OVGP1: variants seen among roughly 807,000 people sequenced by gnomAD.
The protein encoded by OVGP1 is oviduct-specific glycoprotein.
In OVGP1, 26 loss-of-function variants were observed where a neutral mutation model predicts 48.2. The ratio of observed to expected loss-of-function variants is 0.54; its 90% confidence interval spans 0.40 to 0.75. OVGP1 has a LOEUF of 0.75. Among genes scored for constraint, OVGP1 ranks in the 30% least tolerant of loss-of-function variants. OVGP1 has a pLI of 0.00. For missense variants in OVGP1, 791 were observed against 820.6 expected (o/e 0.96, Z 0.44); for synonymous variants, 294 against 305.7 (o/e 0.96, Z 0.40).
chr1:111,414,343 T>C lies in OVGP1; in HGVS notation c.*121A>G. The C allele has an allele frequency of 1.3e-6, 1 of 797,666 alleles. No individual in the cohort carries two copies. The highest frequency in any genetic ancestry group is 2.0e-6 in the Non-Finnish European group (1 of 502,184). 49.4% of individuals were successfully genotyped at this position (797,666 alleles called of 1,614,324 possible). On this transcript the variant is annotated 3_prime_UTR_variant, in exon 11 of 11. Coordinates refer to ENST00000369732, the MANE Select transcript of OVGP1 (RefSeq NM_002557.4). The stretch of plus-strand genomic sequence containing the variant: ...GTTCTTGTGTTTACAGTTTATTTAA[T>C]GGAAAAGAGATTGGCCTATTCTGGT...
intron 6 of OVGP1, 96 bp downstream of exon 6, chr1:111,422,831 G>A (rs1273749978): frequency 1.7e-5 from 24 of 1,449,562 alleles, no homozygotes; most frequent in Non-Finnish European, 2.1e-5. Context: ...GGCACACGGT[G>A]AGCTCAAAAA....
At chr1:111,426,157 C>A (rs1001941493) in intron 3 of OVGP1, among the ~76,000 whole-genome samples, 6 of 152,174 alleles carry the variant, frequency 3.9e-5, no homozygotes, top group African/African-American at 1.4e-4. Context: ...AAAATCCTCA[C>A]AACTAGGTTC....
chr1:111,426,762 T>C (rs1447450523), intron 2 of OVGP1, 121 bp from the exon 3 acceptor site: 2 of 1,549,444 alleles, frequency 1.3e-6, no homozygotes, highest in African/African-American at 2.7e-5. Flanking sequence ...CCTCTCTCCC[T>C]GGCCCTGAAG....
rs1226255465 is a variant in OVGP1, at chr1:111,419,738, A to T, written c.904-12T>A. 6.5e-7 allele frequency: 1 copy of T among 1,537,076 alleles called. No homozygotes were observed. The highest frequency in any genetic ancestry group is 1.7e-5 in the Admixed American group (1 of 59,932). On this transcript the variant is annotated splice_polypyrimidine_tract_variant and intron_variant, in intron 8 of 10. Coordinates refer to ENST00000369732, the MANE Select transcript of OVGP1 (RefSeq NM_002557.4). ...ACAAAGGAACAAATCTGCCAAGAGG[A>T]CCACCAGGTTAGTTCTGGGAAGTGC...
At position 111,414,809 on chromosome 1, in the gene OVGP1, A is replaced by T. The variant is rs1652081300; in HGVS notation, c.1692T>A (p.Pro564=). The T allele has an allele frequency of 6.3e-7, 1 of 1,597,782 alleles. No individual in the cohort carries two copies. The highest frequency in any genetic ancestry group is 8.6e-7 in the Non-Finnish European group (1 of 1,169,274). The change falls in exon 11 of 11, where the codon CCT becomes CCA. Residue 564 remains proline (P), a synonymous_variant. Coordinates refer to ENST00000369732, the MANE Select transcript of OVGP1 (RefSeq NM_002557.4). ...TETLRQNTVA[P]RRKAVAREKV... is the part of the protein sequence containing the mutation. ...TTTCACGGGCCACAGCCTTCCTTCT[A>T]GGGGCCACTGTATTCTGTCTAAGGG...
In OVGP1 at chr1:111,424,064, C is replaced by T. The variant is rs116189342; in HGVS notation, c.318-356G>A. Among the ~76,000 whole-genome samples the T allele has an allele frequency of 8.4e-3, 1,279 of 152,300 alleles. 5 individuals are homozygous for T. Among genetic ancestry groups the T allele is most frequent in the Middle Eastern group, 0.014 (4 of 294 alleles). On this transcript the variant is annotated intron_variant, in intron 4 of 10. Transcript: ENST00000369732. Reference sequence around the variant, plus strand: ...GGTATGCCCACTGGCAAGGCACTGCCCCTCTCTGTGCTGTCTCCTCATAGG... The same window carrying T: ...GGTATGCCCACTGGCAAGGCACTGCTCCTCTCTGTGCTGTCTCCTCATAGG...
At chr1:111,417,273 C>T (rs1171015246) in intron 9 of OVGP1, among the ~76,000 whole-genome samples, 10 of 152,206 alleles carry the variant, frequency 6.6e-5, no homozygotes, top group Admixed American at 6.5e-4. Flanking sequence ...CTATAAAATA[C>T]AGTAGAGCAC....
rs557729430 is a variant in OVGP1 at position 111,414,648 on chromosome 1, T to C, written c.1853A>G (p.Asn618Ser). The C allele has an allele frequency of 1.2e-6, 2 of 1,614,172 alleles. No homozygotes were observed. Among genetic ancestry groups the C allele is most frequent in the South Asian group, 1.1e-5 (1 of 91,082 alleles). Reference sequence around the variant, plus strand: ...GGGGCTGGAGGACAGCATCATCCTGTTTTCAGCTTCCATCTGAAGACCCAA... The same window carrying C: ...GGGGCTGGAGGACAGCATCATCCTGCTTTCAGCTTCCATCTGAAGACCCAA... ...GNLGLQMEAE[N>S]RMMLSSSPVI... The change falls in exon 11 of 11, where the codon AAC becomes AGC. Residue 618 changes from asparagine to serine, a missense_variant. Transcript: ENST00000369732.
At position 111,426,384 on chromosome 1, in the gene OVGP1, T is replaced by C. The variant is rs1652397223; in HGVS notation, c.260+53A>G. 15 of 1,612,026 alleles carry C rather than the reference T, an allele frequency of 9.3e-6. No homozygotes were observed. In the East Asian group the frequency reaches 1.8e-4, roughly 19 times the overall value. ...GAGTAACAGGAGAAATAGACTGTTA[T>C]CTTATACCTGTGAAATCTGAAAATA... On this transcript the variant is annotated intron_variant, in intron 3 of 10. Coordinates refer to ENST00000369732, the MANE Select transcript of OVGP1 (RefSeq NM_002557.4).
At chr1:111,416,694 G>A (rs1480863007) in intron 9 of OVGP1, 2 of 394,298 alleles carry the variant, frequency 5.1e-6, no homozygotes, top group Non-Finnish European at 9.0e-6. Flanking sequence ...ATAATAACAT[G>A]TCCAACATGT....
chr1:111,423,888 T>A (rs1274567305), intron 4 of OVGP1, among the ~76,000 whole-genome samples, 180 bp from the exon 5 acceptor site: 2 of 152,168 alleles, frequency 1.3e-5, no homozygotes, highest in Non-Finnish European at 2.9e-5. Flanking sequence ...AGGAGCTCAA[T>A]ACCCAGGAGT....
chr1:111,421,606 T>C lies in OVGP1; in HGVS notation c.676A>G (p.Asn226Asp), dbSNP rs372162894. The change falls in exon 7 of 11, where the codon AAT (asparagine) becomes GAT (aspartate). Residue 226 changes from asparagine (N) to aspartate (D), a missense_variant. Coordinates refer to ENST00000369732, the MANE Select transcript of OVGP1 (RefSeq NM_002557.4). ...HGSWERFTGHNSPLFSLPEDP... is the reference protein window; with the variant it reads ...HGSWERFTGHDSPLFSLPEDP... Reference sequence around the variant, plus strand: ...TCAGGCAGAGAGAAGAGGGGGCTATTATGTCCTGTGAACCTTTCCCAACTT... The same window carrying C: ...TCAGGCAGAGAGAAGAGGGGGCTATCATGTCCTGTGAACCTTTCCCAACTT... The C allele has an allele frequency of 6.2e-7, 1 of 1,613,396 alleles. No individual in the cohort carries two copies. Among genetic ancestry groups the C allele is most frequent in the Non-Finnish European group, 8.5e-7 (1 of 1,179,410 alleles).
intron 4 of OVGP1, among the ~76,000 whole-genome samples, chr1:111,424,652 A>C (rs950039963): frequency 4.6e-5 from 7 of 152,218 alleles, no homozygotes; most frequent in Admixed American, 6.5e-5. Context: ...AGAGATGGGA[A>C]GAGGTGAATC....
intron 3 of OVGP1, 108 bp from the exon 4 acceptor site, chr1:111,425,547 A>G: frequency 6.4e-7 from 1 of 1,555,398 alleles, no homozygotes; most frequent in Non-Finnish European, 8.7e-7. Context: ...AACAGGAGAG[A>G]TGGGAGGTAA....
At chr1:111,419,583 T>C (rs1193247758) in intron 9 of OVGP1, 27 bp downstream of exon 9, 2 of 1,315,356 alleles carry the variant, frequency 1.5e-6, no homozygotes, top group Non-Finnish European at 2.2e-6. Context: ...AACCATGTGC[T>C]GGAGCATGAA....
chr1:111,426,626 A>G lies in OVGP1; in HGVS notation c.71T>C (p.Leu24Pro), dbSNP rs1201610658. Residue 24 changes from leucine to proline, a missense_variant, in exon 3 of 11, where the codon CTC becomes CCC. Transcript: ENST00000369732. ...LKHHDGAAHKLVCYFTNWAHS... is the reference protein window; with the variant it reads ...LKHHDGAAHKPVCYFTNWAHS... ...TGCCCAGTTGGTGAAATAACACACG[A>G]GTTTATGGGCAGCACCTGGTAAGGG... is the stretch of plus-strand genomic sequence containing the variant. 1.2e-6 allele frequency: 2 copies of G among 1,613,932 alleles called. No individual in the cohort carries two copies. The highest frequency in any genetic ancestry group is 2.7e-5 in the African/African-American group (2 of 75,010).
rs551464081 is a variant in OVGP1 at position 111,418,594 on chromosome 1, ATTT to A, written c.1020+1013_1020+1015del. Among the ~76,000 whole-genome samples, 944 of 152,246 alleles carry A rather than the reference ATTT, an allele frequency of 6.2e-3. 9 individuals carry two copies. Among genetic ancestry groups the A allele is most frequent in the Middle Eastern group, 0.017 (5 of 294 alleles). ...AACAGGAGAACTGTGAATTCTCTCT[ATTT>A]AAGTCTCAATATCCAAGCAGTTGCC... On this transcript the variant is annotated intron_variant, in intron 9 of 10. Coordinates refer to ENST00000369732, the MANE Select transcript of OVGP1 (RefSeq NM_002557.4).
At position 111,414,960 on chromosome 1, in the gene OVGP1, T is replaced by C. The variant is rs368203827; in HGVS notation, c.1541A>G (p.Tyr514Cys). 2.4e-5 allele frequency: 19 copies of C among 807,566 alleles called. No homozygotes were observed. The highest frequency in any genetic ancestry group is 9.3e-5 in the Admixed American group (4 of 43,136). 50.0% of individuals were successfully genotyped at this position (807,566 alleles called of 1,614,324 possible). A position where few individuals can be genotyped will look rare whatever the true frequency, so the allele number is the denominator to read the frequency against. ...TGQKTLTSVGYQSVTPGEKTL... is the reference protein window; with the variant it reads ...TGQKTLTSVGCQSVTPGEKTL... The stretch of plus-strand genomic sequence containing the variant: ...CTTTTCCCCAGGGGTCACAGACTGA[T>C]AACCCACAGAGGTCAGGGTCTTCTG... The change falls in exon 11 of 11, where the codon TAT (tyrosine) becomes TGT (cysteine). Residue 514 changes from tyrosine (Y) to cysteine (C), a missense_variant. Tyr to Cys is a radical substitution (Grantham distance 194). Coordinates refer to ENST00000369732, the MANE Select transcript of OVGP1 (RefSeq NM_002557.4).
At position 111,415,115 on chromosome 1, in the gene OVGP1, C is replaced by G. The variant is rs1399091241; in HGVS notation, c.1386G>C (p.Lys462Asn). The part of the protein sequence containing the change: ...TPTKETVSLG[K>N]HTVALGEKTE... ...TCTTCTCTCCTAGAGCTACAGTGTG[C>G]TTTCCAAGGGATACAGTTTCCTTTG... The change falls in exon 11 of 11, where the codon AAG becomes AAC. Residue 462 changes from lysine (K) to asparagine (N), a missense_variant. Coordinates refer to ENST00000369732, the MANE Select transcript of OVGP1 (RefSeq NM_002557.4). 2.5e-6 allele frequency: 4 copies of G among 1,614,188 alleles called. No individual in the cohort carries two copies. Among genetic ancestry groups the G allele is most frequent in the Non-Finnish European group, 3.4e-6 (4 of 1,180,014 alleles).
Sources: allele counts gnomAD v4.1 joint callset (sites outside exome capture counted in the v4.1 genomes callset), GRCh38; gene constraint gnomAD v4.1.1; transcripts MANE v1.5; gene names NCBI Gene and HGNC (gene_info 2026-07-23, HGNC 2026-07-21).